Variants in NSL1 observed in about 807,000 individuals in gnomAD.
NSL1 encodes NSL1 component of MIS12 kinetochore complex.
A neutral mutation model predicts 25.4 loss-of-function variants in NSL1; 11 were observed. The ratio of observed to expected loss-of-function variants is 0.43; its 90% CI spans 0.27 to 0.72. The LOEUF is 0.72. Among genes scored for constraint, NSL1 ranks in the 30% least tolerant of loss-of-function variants. NSL1 has a pLI of 0.19. For synonymous variants in NSL1, 118 were observed against 120.6 expected (o/e 0.98, Z 0.14); for missense variants, 330 against 342.7 (o/e 0.96, Z 0.29).
At chr1:212,758,987 A>G (rs114693806) in intron 4 of NSL1, among the ~76,000 whole-genome samples, 1 of 152,240 alleles carries the variant, frequency 6.6e-6, no homozygotes, top group African/African-American at 2.4e-5. Context: ...TACATATTAC[A>G]GTCAACTGAT....
chr1:212,747,662 G>T (rs1244355414), intron 4 of NSL1, among the ~76,000 whole-genome samples: 2 of 152,226 alleles, frequency 1.3e-5, no homozygotes, highest in African/African-American at 4.8e-5. Context: ...GGGATAATTT[G>T]TTAGGCAGCA....
intron 4 of NSL1, among the ~76,000 whole-genome samples, chr1:212,743,724 T>C (rs1310312095): frequency 6.6e-6 from 1 of 152,054 alleles, no homozygotes; most frequent in Non-Finnish European, 1.5e-5. Flanking sequence ...TTATCAAAAA[T>C]CTGGAAAACA....
chr1:212,791,737 G>GT lies in NSL1; in HGVS notation c.26_27insA (p.Leu10ProfsTer2). On this transcript the variant is annotated frameshift_variant, in exon 1 of 6. Transcript: ENST00000366977. LOFTEE classifies it high-confidence loss of function. ...GCTCCTTGTCCCATGGAGGGTCAAG[G>GT]ACCACCAACTCAGGAGACCCCGCCA... The GT allele has an allele frequency of 1.2e-6, 2 of 1,611,972 alleles. No individual in the cohort carries two copies. The highest frequency in any genetic ancestry group is 1.7e-6 in the Non-Finnish European group (2 of 1,178,882).
chr1:212,749,319 G>A (rs928966435), intron 4 of NSL1, among the ~76,000 whole-genome samples: 3 of 148,720 alleles, frequency 2.0e-5, no homozygotes, highest in Non-Finnish European at 4.5e-5. Flanking sequence ...CATCACTTAA[G>A]GGATTTTGCG....
rs1241485920 is a variant in NSL1, at chr1:212,735,193, C to A, written c.*3215G>T. 2 of 527,990 alleles carry A rather than the reference C, an allele frequency of 3.8e-6. No individual in the cohort carries two copies. Among genetic ancestry groups the A allele is most frequent in the African/African-American group, 4.1e-5 (2 of 48,294 alleles). 32.7% of individuals were successfully genotyped at this position (527,990 alleles called of 1,614,324 possible). A position where few individuals can be genotyped will look rare whatever the true frequency, so the allele number is the denominator to read the frequency against. ...CTCTTTAAGATCTCTGACTTTTGAT[C>A]ATAGACAGGTTAAGTAACTTGTCCA... On this transcript the variant is annotated 3_prime_UTR_variant, in exon 6 of 6. Transcript: ENST00000366977.
intron 4 of NSL1, among the ~76,000 whole-genome samples, chr1:212,745,882 C>G (rs971478603): frequency 1.3e-5 from 2 of 152,148 alleles, no homozygotes; most frequent in African/African-American, 4.8e-5. Flanking sequence ...GATGGATCAC[C>G]TGAGCCCAGG....
At chr1:212,749,339 G>GTTTTGTTTTTTTTTTTGTTTTTT (rs1658954722) in intron 4 of NSL1, among the ~76,000 whole-genome samples, 1 of 76,952 alleles carries the variant, frequency 1.3e-5, no homozygotes, top group Non-Finnish European at 2.5e-5. Flanking sequence ...GTTTTATTGT[G>GTTTTGTTTTTTTTTTTGTTTTTT]TTTTTTTTTT....
intron 4 of NSL1, among the ~76,000 whole-genome samples, chr1:212,747,482 TCCCACAGTCC>T (rs1441978717): frequency 1.3e-5 from 2 of 152,192 alleles, no homozygotes; most frequent in Non-Finnish European, 2.9e-5. Context: ...AAAGTGGATT[TCCCACAGTCC>T]CAGGTGAGCC....
intron 4 of NSL1, among the ~76,000 whole-genome samples, chr1:212,769,148 T>C (rs1034463420): frequency 6.6e-6 from 1 of 152,062 alleles, no homozygotes; most frequent in East Asian, 1.9e-4. Flanking sequence ...ATTTGCATTT[T>C]GGGTGTTGTA....
intron 4 of NSL1, among the ~76,000 whole-genome samples, chr1:212,764,235 T>C (rs1659696546): frequency 6.6e-6 from 1 of 152,218 alleles, no homozygotes; most frequent in African/African-American, 2.4e-5. Flanking sequence ...AAATGAATAA[T>C]AGTGACACAA....
chr1:212,740,558 C>T (rs74138629), intron 4 of NSL1, among the ~76,000 whole-genome samples: 2,732 of 151,862 alleles, frequency 0.018, 70 homozygotes, highest in African/African-American at 0.06. Context: ...TTTTAATGTA[C>T]TTGTTTTTTA....
intron 4 of NSL1, among the ~76,000 whole-genome samples, chr1:212,746,090 A>C (rs1435431234): frequency 6.6e-6 from 1 of 152,270 alleles, no homozygotes. Context: ...AGCACCTTGA[A>C]GCCACACGAA....
chr1:212,777,962 A>G (rs1298617238), intron 4 of NSL1, among the ~76,000 whole-genome samples: 1 of 152,248 alleles, frequency 6.6e-6, no homozygotes, highest in Non-Finnish European at 1.5e-5. Context: ...AGACCTTCTA[A>G]GAGAGCATTT....
intron 4 of NSL1, among the ~76,000 whole-genome samples, chr1:212,779,462 T>A (rs1231156609): frequency 9.6e-6 from 1 of 104,074 alleles, no homozygotes; most frequent in East Asian, 3.1e-4. Flanking sequence ...TACTGGGAAG[T>A]GAGGAGCCCC....
chr1:212,785,810 T>G (rs1023514184), intron 2 of NSL1, among the ~76,000 whole-genome samples: 1 of 152,192 alleles, frequency 6.6e-6, no homozygotes, highest in Admixed American at 6.5e-5. Context: ...AAGCTAGAAA[T>G]GGACCTATTT....
Position 212,791,518 on chromosome 1 carries a change from C to T in NSL1, c.234+12G>A, listed in dbSNP as rs764290353. 1.6e-5 allele frequency: 26 copies of T among 1,608,582 alleles called. No individual in the cohort carries two copies. The South Asian group carries it at 2.9e-4, about 18-fold the overall frequency. ...GGATGATGAGTAAAGAACTGGCTAA[C>T]TGGTCCCGTACCCACTGCGCATCTC... On this transcript the variant is annotated intron_variant, in intron 1 of 5. Coordinates refer to ENST00000366977, the MANE Select transcript of NSL1 (RefSeq NM_015471.4).
intron 4 of NSL1, among the ~76,000 whole-genome samples, chr1:212,770,876 C>G (rs887879260): frequency 6.6e-6 from 1 of 152,160 alleles, no homozygotes; most frequent in Non-Finnish European, 1.5e-5. Context: ...GGATTTATCT[C>G]AGAGATATGA....
chr1:212,777,654 A>C (rs969906016), intron 4 of NSL1, among the ~76,000 whole-genome samples: 1 of 152,228 alleles, frequency 6.6e-6, no homozygotes, highest in Non-Finnish European at 1.5e-5. Context: ...AAGGATTTAC[A>C]CAGCTTGAGG....
Position 212,730,635 on chromosome 1 carries a change from G to T in NSL1, c.*7773C>A. On this transcript the variant is annotated 3_prime_UTR_variant, in exon 6 of 6. Coordinates refer to ENST00000366977, the MANE Select transcript of NSL1 (RefSeq NM_015471.4). The stretch of plus-strand genomic sequence containing the variant: ...AGGGGATGTGACCAAAGGAAAAGGT[G>T]ATCAGAAGGCAACTATACCTGCTAG... The T allele has an allele frequency of 5.1e-6, 5 of 985,410 alleles. No homozygotes were observed. Among genetic ancestry groups the T allele is most frequent in the Non-Finnish European group, 6.0e-6 (5 of 829,934 alleles). The allele number at this position is 985,410 out of a possible 1,614,324, so 61.0% of individuals were successfully genotyped here.
Sources: gnomAD v4.1 joint callset for allele counts (sites outside exome capture counted in the v4.1 genomes callset) on GRCh38, gnomAD v4.1.1 for gene constraint, MANE v1.5 for transcripts, NCBI Gene and HGNC (gene_info 2026-07-23, HGNC 2026-07-21) for gene names.